The following SGIP1 variants were observed in gnomAD, a reference collection of about 807,000 sequenced individuals.
The protein encoded by SGIP1 is SH3-containing GRB2-like protein 3-interacting protein 1.
In SGIP1, 38 loss-of-function variants were observed where a neutral mutation model predicts 107.5. That is an observed-to-expected ratio of 0.35 (90% CI 0.27 to 0.46). The LOEUF (loss-of-function observed/expected upper bound fraction) is 0.46, where lower values mean the gene tolerates loss of function less well. Ranked by LOEUF, SGIP1 falls within the 20% of genes least tolerant of loss-of-function variation. SGIP1 has a pLI of 1.00. For synonymous variants in SGIP1, 365 were observed against 366.1 expected (o/e 1.00, Z 0.03); for missense variants, 929 against 1,019.5 (o/e 0.91, Z 1.21).
At chr1:66,631,123 A>G (rs1048993633) in intron 2 of SGIP1, among the ~76,000 whole-genome samples, 12 of 151,930 alleles carry the variant, frequency 7.9e-5, no homozygotes, top group African/African-American at 2.9e-4. Flanking sequence ...CTGACTCAGT[A>G]TATAGATACA....
chr1:66,586,720 C>T (rs2062683226), intron 1 of SGIP1, among the ~76,000 whole-genome samples: 1 of 152,084 alleles, frequency 6.6e-6, no homozygotes, highest in Non-Finnish European at 1.5e-5. Flanking sequence ...TTATAAAGCT[C>T]AAGAGAAGAT....
chr1:66,586,972 T>C (rs1381589082), intron 1 of SGIP1, among the ~76,000 whole-genome samples: 2 of 152,124 alleles, frequency 1.3e-5, no homozygotes, highest in Non-Finnish European at 2.9e-5. Context: ...TGGTAGTTTT[T>C]TGTTGTTGTT....
chr1:66,570,308 G>A (rs971807710), intron 1 of SGIP1, among the ~76,000 whole-genome samples: 3 of 151,810 alleles, frequency 2.0e-5, no homozygotes, highest in Non-Finnish European at 2.9e-5. Context: ...TGGAAGTGGG[G>A]TGTAGAGGGA....
intron 1 of SGIP1, among the ~76,000 whole-genome samples, chr1:66,568,790 A>G (rs1400871542): frequency 6.6e-6 from 1 of 152,040 alleles, no homozygotes; most frequent in Non-Finnish European, 1.5e-5. Flanking sequence ...CAATAGATGC[A>G]GAAAAGGCCT....
At chr1:66,734,998 G>A (rs1166116426) in intron 21 of SGIP1, among the ~76,000 whole-genome samples, 1 of 151,966 alleles carries the variant, frequency 6.6e-6, no homozygotes, top group Non-Finnish European at 1.5e-5. Flanking sequence ...CAGGAATACA[G>A]TATATGGTTA....
At chr1:66,630,663 G>A (rs2074076620) in intron 2 of SGIP1, among the ~76,000 whole-genome samples, 1 of 150,536 alleles carries the variant, frequency 6.6e-6, no homozygotes, top group Non-Finnish European at 1.5e-5. Flanking sequence ...AAAATTAGCT[G>A]GGCGTGGTGA....
intron 7 of SGIP1, chr1:66,660,177 A>G (rs1305334321): frequency 6.1e-6 from 1 of 163,264 alleles, no homozygotes; most frequent in Non-Finnish European, 1.0e-5. Flanking sequence ...GAAAGAAAGA[A>G]AGAAAGAAAG....
chr1:66,631,044 G>GAAGAAAGAAAGAAAGAAAGA lies in SGIP1; in HGVS notation c.75-1987_75-1968dup, dbSNP rs373346734. On this transcript the variant is annotated intron_variant, in intron 2 of 24. Coordinates refer to ENST00000371037, the MANE Select transcript of SGIP1 (RefSeq NM_032291.4). ...AAAGGAAAGGAAGGAAGGAAGAAAG[G>GAAGAAAGAAAGAAAGAAAGA]AAGAAAGAAAGAAAGAAAGAAAGAA... Among the ~76,000 whole-genome samples the GAAGAAAGAAAGAAAGAAAGA allele has an allele frequency of 7.8e-5, 8 of 102,716 alleles. No individual in the cohort carries two copies. In the East Asian group the frequency reaches 9.7e-4, roughly 13 times the overall value. 67.4% of individuals were successfully genotyped at this position (102,716 alleles called of 152,430 possible).
intron 12 of SGIP1, among the ~76,000 whole-genome samples, chr1:66,673,970 G>C (rs7549727): frequency 0.14 from 20,534 of 149,686 alleles, 1,450 homozygotes; most frequent in South Asian, 0.18. Flanking sequence ...TTCGAGACCA[G>C]CCTGGACAAC....
At chr1:66,584,059 G>A (rs1009011683) in intron 1 of SGIP1, among the ~76,000 whole-genome samples, 1 of 152,038 alleles carries the variant, frequency 6.6e-6, no homozygotes, top group African/African-American at 2.4e-5. Context: ...TTTTGTTGGT[G>A]TTGTTGCTTT....
intron 7 of SGIP1, among the ~76,000 whole-genome samples, chr1:66,651,387 TA>T (rs1400511331): frequency 6.6e-6 from 1 of 152,214 alleles, no homozygotes; most frequent in African/African-American, 2.4e-5. Flanking sequence ...TCACAGCTAG[TA>T]ACTGAAGTTG....
intron 21 of SGIP1, 116 bp from the exon 22 acceptor site, chr1:66,739,219 C>T (rs1337242906): frequency 1.2e-5 from 13 of 1,100,810 alleles, no homozygotes; most frequent in South Asian, 4.4e-5. Context: ...GCACGCTTCA[C>T]GGTGCCTCTC....
intron 18 of SGIP1, among the ~76,000 whole-genome samples, chr1:66,699,817 A>G (rs1175874131): frequency 6.6e-6 from 1 of 152,212 alleles, no homozygotes; most frequent in African/African-American, 2.4e-5. Flanking sequence ...TAGTATGAAT[A>G]TTGTAATGAG....
chr1:66,608,893 A>G (rs138201906), intron 1 of SGIP1, among the ~76,000 whole-genome samples: 225 of 151,050 alleles, frequency 1.5e-3, no homozygotes, highest in African/African-American at 5.2e-3. Flanking sequence ...TGTATGATAC[A>G]TGCTCTTTTA....
Position 66,719,350 on chromosome 1 carries a change from G to A in SGIP1, c.1687G>A (p.Ala563Thr). Reference protein sequence around the residue: ...TMGAQDTLPVAAAFTETVNAY... With the variant: ...TMGAQDTLPVTAAFTETVNAY... ...GGGAGCTCAGGACACTCTCCCTGTT[G>A]CAGCAGCATTTACAGAAACAGTCAA... Residue 563 changes from alanine (A) to threonine (T), a missense_variant, in exon 19 of 25, where the codon GCA (alanine) becomes ACA (threonine). This residue lies in a region of SGIP1 where 341 missense variants were observed against 430.9 expected (regional missense o/e 0.79). Coordinates refer to ENST00000371037, the MANE Select transcript of SGIP1 (RefSeq NM_032291.4). 2 of 1,613,528 alleles carry A rather than the reference G, an allele frequency of 1.2e-6. No individual in the cohort carries two copies. The highest frequency in any genetic ancestry group is 1.7e-6 in the Non-Finnish European group (2 of 1,179,704).
At chr1:66,671,091 T>C in intron 10 of SGIP1, 72 bp downstream of exon 10, 1 of 721,780 alleles carries the variant, frequency 1.4e-6, no homozygotes, top group Non-Finnish European at 2.2e-6. Context: ...TCTTGGAGTA[T>C]ATGTACATAT....
intron 1 of SGIP1, among the ~76,000 whole-genome samples, chr1:66,547,400 C>G (rs888151279): frequency 1.3e-5 from 2 of 152,130 alleles, no homozygotes; most frequent in African/African-American, 4.8e-5. Flanking sequence ...CTATCTTGGC[C>G]TAGTTACAAA....
intron 1 of SGIP1, among the ~76,000 whole-genome samples, chr1:66,549,696 G>A (rs183806231): frequency 1.2e-3 from 180 of 152,238 alleles, no homozygotes; most frequent in African/African-American, 4.2e-3. Context: ...GCTACAAGAT[G>A]ATACCAAAAT....
chr1:66,731,317 T>C (rs943814338), intron 20 of SGIP1, among the ~76,000 whole-genome samples: 1 of 152,210 alleles, frequency 6.6e-6, no homozygotes, highest in Non-Finnish European at 1.5e-5. Context: ...TATGTGCCAA[T>C]ATCTTGCCAG....
Sources: gnomAD v4.1 joint callset for allele counts (sites outside exome capture counted in the v4.1 genomes callset) on GRCh38, gnomAD v4.1.1 for gene constraint, gnomAD v4.1.1 regional missense constraint, MANE v1.5 for transcripts, NCBI Gene and HGNC (gene_info 2026-07-23, HGNC 2026-07-21) for gene names.